The following GABRB3 variants were observed in gnomAD, a reference collection of about 807,000 sequenced individuals.
GABRB3 encodes the protein gamma-aminobutyric acid type A receptor subunit beta3, also known as gamma-aminobutyric acid receptor subunit beta-3.
Under a neutral mutation model 52.1 loss-of-function variants are expected in GABRB3, and 14 were observed. The ratio of observed to expected loss-of-function variants is 0.27; its 90% confidence interval spans 0.18 to 0.42. GABRB3 has a LOEUF of 0.42. Among genes scored for constraint, GABRB3 ranks in the 10% least tolerant of loss-of-function variants. GABRB3 has a pLI of 1.00. For synonymous variants in GABRB3, 260 were observed against 232.3 expected (o/e 1.12, Z -1.08); for missense variants, 307 against 609.1 (o/e 0.50, Z 5.22).
At position 26,717,146 on chromosome 15, in the gene GABRB3, A is replaced by T. The variant is rs1377487144; in HGVS notation, c.240+55256T>A. ...GCCCAATGACAGCCCAGCTCTGAGG[A>T]CCTCCACCCAATGACAGCCCAGCTC... On this transcript the variant is annotated intron_variant, in intron 3 of 8. Transcript: ENST00000311550. Among the ~76,000 whole-genome samples the T allele has an allele frequency of 2.8e-5, 4 of 141,894 alleles. No homozygotes were observed. The East Asian group carries it at 6.3e-4, about 22-fold the overall frequency. The allele number at this position is 141,894 out of a possible 152,430, so 93.1% of individuals were successfully genotyped here.
intron 3 of GABRB3, among the ~76,000 whole-genome samples, chr15:26,627,193 G>C (rs1429094710): frequency 6.6e-6 from 1 of 150,836 alleles, no homozygotes; most frequent in Non-Finnish European, 1.5e-5. Flanking sequence ...TTAACCCACA[G>C]TTGAGACCTT....
At chr15:26,731,125 A>T (rs1889900585) in intron 3 of GABRB3, among the ~76,000 whole-genome samples, 1 of 152,206 alleles carries the variant, frequency 6.6e-6, no homozygotes, top group African/African-American at 2.4e-5. Flanking sequence ...ATTTTCATAC[A>T]AAGATTATAA....
At position 26,584,383 on chromosome 15, in the gene GABRB3, A is replaced by G. The variant is rs544201106; in HGVS notation, c.462-969T>C. Among the ~76,000 whole-genome samples the G allele has an allele frequency of 5.3e-5, 8 of 152,304 alleles. No individual in the cohort carries two copies. The South Asian group carries it at 1.2e-3, about 24-fold the overall frequency. On this transcript the variant is annotated intron_variant, in intron 4 of 8. Coordinates refer to ENST00000311550, the MANE Select transcript of GABRB3 (RefSeq NM_000814.6). ...TTTGACTTTCCACGGGAAGTGTTAAAGTAGCTACAGATACACTTTGGAACT... is the reference window on the plus strand; with the variant it reads ...TTTGACTTTCCACGGGAAGTGTTAAGGTAGCTACAGATACACTTTGGAACT...
intron 4 of GABRB3, among the ~76,000 whole-genome samples, chr15:26,605,244 T>C (rs1243897699): frequency 6.6e-6 from 1 of 152,144 alleles, no homozygotes; most frequent in Non-Finnish European, 1.5e-5. Flanking sequence ...ATAACTTTTA[T>C]CCAAAAGTCA....
At chr15:26,704,306 G>A (rs1463803627) in intron 3 of GABRB3, among the ~76,000 whole-genome samples, 1 of 152,192 alleles carries the variant, frequency 6.6e-6, no homozygotes, top group Non-Finnish European at 1.5e-5. Context: ...GGTCCCACAG[G>A]TGCCCTGCAT....
chr15:26,728,096 T>C (rs891564044), intron 3 of GABRB3, among the ~76,000 whole-genome samples: 44 of 152,168 alleles, frequency 2.9e-4, no homozygotes, highest in African/African-American at 1.0e-3. Context: ...CCAGATACAC[T>C]GCATCTAAAG....
chr15:26,729,262 G>C (rs1258186420), intron 3 of GABRB3, among the ~76,000 whole-genome samples: 1 of 151,954 alleles, frequency 6.6e-6, no homozygotes, highest in Non-Finnish European at 1.5e-5. Flanking sequence ...CACTGCCTCC[G>C]ACTGGCCCTC....
chr15:26,773,443 A>G (rs1330390021), upstream of GABRB3, among the ~76,000 whole-genome samples: 1 of 150,862 alleles, frequency 6.6e-6, no homozygotes, highest in Non-Finnish European at 1.5e-5. Context: ...GAGTGCGGGG[A>G]CTGTCGGCAG....
At chr15:26,619,435 G>A (rs572677428) in intron 4 of GABRB3, among the ~76,000 whole-genome samples, 180 of 147,024 alleles carry the variant, frequency 1.2e-3, no homozygotes, top group African/African-American at 4.2e-3. Context: ...ACCAAACACC[G>A]CATATTCTTA....
intron 3 of GABRB3, among the ~76,000 whole-genome samples, chr15:26,717,303 C>G: frequency 6.7e-6 from 1 of 149,612 alleles, no homozygotes; most frequent in Admixed American, 6.6e-5. Flanking sequence ...CTCTGGGGAC[C>G]TCCATCCTAT....
At chr15:26,653,055 A>T (rs910865779) in intron 3 of GABRB3, among the ~76,000 whole-genome samples, 2 of 152,134 alleles carry the variant, frequency 1.3e-5, no homozygotes, top group African/African-American at 4.8e-5. Context: ...CTTGCTTCCA[A>T]CCTCCAACCT....
In GABRB3 at chr15:26,590,867, T is replaced by G. The variant is rs79333968; in HGVS notation, c.462-7453A>C. ...TGGCTGTTTGCCTGCCTCCTGAATG[T>G]GCGCCAACTTTGTGACTTGCTTTAT... is the stretch of plus-strand genomic sequence containing the variant. On this transcript the variant is annotated intron_variant, in intron 4 of 8. Coordinates refer to ENST00000311550, the MANE Select transcript of GABRB3 (RefSeq NM_000814.6). Among the ~76,000 whole-genome samples the G allele has an allele frequency of 3.1e-3, 477 of 152,314 alleles. 3 individuals are homozygous for G. The highest frequency in any genetic ancestry group is 0.011 in the African/African-American group (450 of 41,570).
intron 3 of GABRB3, among the ~76,000 whole-genome samples, chr15:26,732,363 TAAATA>T (rs1889951402): frequency 6.6e-6 from 1 of 151,868 alleles, no homozygotes; most frequent in Non-Finnish European, 1.5e-5. Flanking sequence ...GATAGAGAGA[TAAATA>T]AACAGCACAT....
chr15:26,699,787 G>A (rs11632792), intron 3 of GABRB3, among the ~76,000 whole-genome samples: 68,495 of 151,636 alleles, frequency 0.45, 17,714 homozygotes, highest in Non-Finnish European at 0.57. Flanking sequence ...ATAAAAGAGC[G>A]TAAGTGAGAT....
At chr15:26,757,210 T>G (rs76593919) in intron 3 of GABRB3, among the ~76,000 whole-genome samples, 3,016 of 152,246 alleles carry the variant, frequency 0.02, 114 homozygotes, top group African/African-American at 0.069. Flanking sequence ...CCTTGGGTCT[T>G]TCCATGCCTT....
At chr15:26,559,254 T>G (rs1368671456) in intron 8 of GABRB3, among the ~76,000 whole-genome samples, 1 of 152,190 alleles carries the variant, frequency 6.6e-6, no homozygotes, top group East Asian at 1.9e-4. Flanking sequence ...TTTCAAAGTA[T>G]GTGGCATCTT....
rs554534017 is a variant in GABRB3, at chr15:26,745,407, A to G, written c.240+26995T>C. ...TTACATCTTGTGTAACTATAGTACA[A>G]TATCAAAACCAGGAAAGTGATATGG... On this transcript the variant is annotated intron_variant, in intron 3 of 8. Transcript: ENST00000311550. Among the ~76,000 whole-genome samples the G allele has an allele frequency of 3.5e-4, 54 of 152,332 alleles. 1 individual carries two copies. In the South Asian group the frequency reaches 7.0e-3, roughly 20 times the overall value.
chr15:26,571,917 G>A (rs377020045), intron 6 of GABRB3, among the ~76,000 whole-genome samples: 62 of 151,994 alleles, frequency 4.1e-4, no homozygotes, highest in East Asian at 1.8e-3. Context: ...GCGTGGTGGC[G>A]GGTGCCTATA....
At chr15:26,740,926 G>A (rs1890188465) in intron 3 of GABRB3, among the ~76,000 whole-genome samples, 3 of 152,116 alleles carry the variant, frequency 2.0e-5, no homozygotes. Flanking sequence ...CTTGGAGGGG[G>A]AGATGGCGGG....
Sources: allele counts gnomAD v4.1 joint callset (sites outside exome capture counted in the v4.1 genomes callset), GRCh38; gene constraint gnomAD v4.1.1; transcripts MANE v1.5; gene names NCBI Gene and HGNC (gene_info 2026-07-23, HGNC 2026-07-21).